The following ZFYVE9 variants were observed in gnomAD, a reference collection of about 807,000 sequenced individuals.
ZFYVE9 encodes zinc finger FYVE-type containing 9.
Under a neutral mutation model 126.7 loss-of-function variants are expected in ZFYVE9, and 43 were observed. The ratio of observed to expected loss-of-function variants is 0.34; its 90% CI spans 0.27 to 0.44. The LOEUF (loss-of-function observed/expected upper bound fraction) is 0.44. Ranked by LOEUF, ZFYVE9 falls within the 20% of genes least tolerant of loss-of-function variation. The pLI, the probability that ZFYVE9 is intolerant of heterozygous loss-of-function variation, is 1.00. For missense variants in ZFYVE9, 1,476 were observed against 1,697.0 expected, an observed-to-expected ratio of 0.87 and a Z score of 2.29; for synonymous variants, 521 against 597.4, an observed-to-expected ratio of 0.87 and a Z score of 1.87.
intron 3 of ZFYVE9, 84 bp downstream of exon 3, chr1:52,233,360 A>T: frequency 2.1e-6 from 2 of 969,198 alleles, no homozygotes; most frequent in Non-Finnish European, 2.9e-6. Flanking sequence ...TTAAAAAAAT[A>T]AAATCAGGTC....
chr1:52,215,104 A>G (rs1042679860), intron 1 of ZFYVE9, among the ~76,000 whole-genome samples: 1 of 152,228 alleles, frequency 6.6e-6, no homozygotes, highest in Non-Finnish European at 1.5e-5. Context: ...TTGAAAAACT[A>G]TATATATGAT....
intron 1 of ZFYVE9, among the ~76,000 whole-genome samples, chr1:52,191,346 A>G (rs539588468): frequency 6.6e-6 from 1 of 152,306 alleles, no homozygotes; most frequent in East Asian, 1.9e-4. Flanking sequence ...GAGATTTATT[A>G]ATTTGGCTAA....
At position 52,344,963 on chromosome 1, in the gene ZFYVE9, A is replaced by C. The variant is rs1646471133; in HGVS notation, c.4116+19A>C. On this transcript the variant is annotated intron_variant, in intron 18 of 18. Coordinates refer to ENST00000287727, the MANE Select transcript of ZFYVE9 (RefSeq NM_004799.4). ...AGATCAGGTATGATGTGTCTTCCGC[A>C]GCTTTTAAAGCTGGCCTTGGGCAAC... 1.2e-6 allele frequency: 2 copies of C among 1,610,126 alleles called. No individual in the cohort carries two copies. Among genetic ancestry groups the C allele is most frequent in the Non-Finnish European group, 1.7e-6 (2 of 1,176,692 alleles).
At chr1:52,313,513 G>C (rs1476434364) in intron 13 of ZFYVE9, among the ~76,000 whole-genome samples, 1 of 152,156 alleles carries the variant, frequency 6.6e-6, no homozygotes, top group Non-Finnish European at 1.5e-5. Flanking sequence ...AAAGATTTCT[G>C]GAGTCTTAGC....
chr1:52,190,945 T>TCCTC (rs1034198529), intron 1 of ZFYVE9, among the ~76,000 whole-genome samples: 4 of 151,612 alleles, frequency 2.6e-5, no homozygotes, highest in East Asian at 1.9e-4. Context: ...TTCATTCCCT[T>TCCTC]CCTCCCTCCC....
At chr1:52,204,656 G>A (rs1644956395) in intron 1 of ZFYVE9, among the ~76,000 whole-genome samples, 1 of 152,130 alleles carries the variant, frequency 6.6e-6, no homozygotes, top group South Asian at 2.1e-4. Context: ...GAACCCAGGA[G>A]GTGAAGGTTG....
intron 1 of ZFYVE9, among the ~76,000 whole-genome samples, chr1:52,185,726 A>T (rs1420460252): frequency 6.6e-6 from 1 of 152,134 alleles, no homozygotes; most frequent in African/African-American, 2.4e-5. Flanking sequence ...AATCGAGACC[A>T]TCCTGGCCAA....
intron 5 of ZFYVE9, 27 bp downstream of exon 5, chr1:52,263,899 T>C (rs375544528): frequency 1.9e-5 from 28 of 1,464,066 alleles, no homozygotes; most frequent in Admixed American, 3.8e-5. Context: ...GTTGATTTCA[T>C]AGTTATTGAG....
At chr1:52,300,612 T>G (rs1557508763) in intron 12 of ZFYVE9, among the ~76,000 whole-genome samples, 1 of 149,140 alleles carries the variant, frequency 6.7e-6, no homozygotes, top group Non-Finnish European at 1.5e-5. Flanking sequence ...AAAAAAAATC[T>G]TGTAGATTTA....
intron 9 of ZFYVE9, among the ~76,000 whole-genome samples, chr1:52,280,413 T>TG (rs1645791623): frequency 1.3e-5 from 2 of 151,876 alleles, no homozygotes; most frequent in Admixed American, 6.6e-5. Flanking sequence ...CCTAGATTCT[T>TG]GAAGTATATA....
At chr1:52,233,332 T>A in intron 3 of ZFYVE9, 56 bp downstream of exon 3, 1 of 1,266,698 alleles carries the variant, frequency 7.9e-7, no homozygotes, top group Non-Finnish European at 1.1e-6. Context: ...AATGTGGGGA[T>A]ATAAGAGGAT....
intron 15 of ZFYVE9, among the ~76,000 whole-genome samples, chr1:52,336,189 C>T (rs946059917): frequency 1.1e-4 from 16 of 151,452 alleles, no homozygotes; most frequent in African/African-American, 3.4e-4. Context: ...GATTGAAATA[C>T]GTAGATAATC....
intron 1 of ZFYVE9, among the ~76,000 whole-genome samples, chr1:52,189,401 T>G (rs1357162384): frequency 1.3e-5 from 2 of 152,056 alleles, no homozygotes. Flanking sequence ...CATGCCTGAC[T>G]AATGTTTGTA....
Position 52,332,936 on chromosome 1 carries a change from T to G in ZFYVE9, c.3589+18T>G. 1 of 1,613,968 alleles carries G rather than the reference T, an allele frequency of 6.2e-7. No homozygotes were observed. Among genetic ancestry groups the G allele is most frequent in the South Asian group, 1.1e-5 (1 of 91,044 alleles). On this transcript the variant is annotated intron_variant, in intron 14 of 18. Transcript: ENST00000287727. ...CAGAAAAGGTGAGCATTTGAGCTGG[T>G]TGAGATTATGATAATGGAAAATTAT...
Position 52,266,760 on chromosome 1 carries a change from C to A in ZFYVE9, c.2384C>A (p.Ser795Ter), listed in dbSNP as rs1157562097. ...TIPPLQQAQA[S>*]GALSSPPPTV... ...CCTCCCTTGCAGCAAGCTCAGGCCT[C>A]AGGAGCTCTGAGCTCTCCACCTCCC... Residue 795 changes from serine (S) to a stop codon, truncating the protein, a stop_gained, in exon 6 of 19, where the codon TCA becomes TAA. Coordinates refer to ENST00000287727, the MANE Select transcript of ZFYVE9 (RefSeq NM_004799.4). LOFTEE classifies it high-confidence loss of function. 1 of 1,612,304 alleles carries A rather than the reference C, an allele frequency of 6.2e-7. No homozygotes were observed. The highest frequency in any genetic ancestry group is 1.1e-5 in the South Asian group (1 of 90,616).
intron 1 of ZFYVE9, among the ~76,000 whole-genome samples, chr1:52,205,877 C>T (rs148299801): frequency 9.2e-5 from 14 of 152,118 alleles, no homozygotes; most frequent in East Asian, 3.9e-4. Flanking sequence ...TAGAATGATC[C>T]GAAATATAAG....
intron 12 of ZFYVE9, among the ~76,000 whole-genome samples, chr1:52,301,427 C>T (rs1005828629): frequency 6.6e-6 from 1 of 151,218 alleles, no homozygotes; most frequent in Non-Finnish European, 1.5e-5. Context: ...CTTGGCCTAC[C>T]AAGTAGCTGG....
intron 9 of ZFYVE9, 103 bp downstream of exon 9, chr1:52,278,717 A>G (rs1645772775): frequency 6.1e-6 from 5 of 825,396 alleles, no homozygotes; most frequent in Middle Eastern, 3.8e-4. Flanking sequence ...ATAGAGCCAC[A>G]TCTTTTTTTT....
In ZFYVE9 at chr1:52,293,694, CG is replaced by C; in HGVS notation, c.3250+18del. 6.2e-7 allele frequency: 1 copy of C among 1,607,442 alleles called. No individual in the cohort carries two copies. Among genetic ancestry groups the C allele is most frequent in the Non-Finnish European group, 8.5e-7 (1 of 1,174,582 alleles). The stretch of plus-strand genomic sequence containing the variant: ...AATATCGACGTAAGTAGTAAAAACA[CG>C]TTTTTCAAGGCATGATGACTAAAAT... On this transcript the variant is annotated intron_variant, in intron 11 of 18. Transcript: ENST00000287727.
Sources: gnomAD v4.1 joint callset for allele counts (sites outside exome capture counted in the v4.1 genomes callset) on GRCh38, gnomAD v4.1.1 for gene constraint, MANE v1.5 for transcripts, NCBI Gene and HGNC (gene_info 2026-07-23, HGNC 2026-07-21) for gene names.